Variants in DOCK3 observed in about 807,000 individuals in gnomAD.
The protein encoded by DOCK3 is dedicator of cytokinesis protein 3.
DOCK3 carries 60 observed loss-of-function variants against 265.6 expected under a neutral mutation model. That is an observed-to-expected ratio of 0.23 (90% CI 0.18 to 0.28). The LOEUF is 0.28. Among genes scored for constraint, DOCK3 ranks in the 10% least tolerant of loss-of-function variants. The pLI, the probability that DOCK3 is intolerant of heterozygous loss-of-function variation, is 1.00. For missense variants in DOCK3, 1,981 were observed against 2,594.3 expected (o/e 0.76, Z 5.14); for synonymous variants, 881 against 938.0 (o/e 0.94, Z 1.11).
At chr3:51,327,616 C>A (rs1301584067) in intron 32 of DOCK3, among the ~76,000 whole-genome samples, 1 of 151,286 alleles carries the variant, frequency 6.6e-6, no homozygotes, top group Non-Finnish European at 1.5e-5. Context: ...CTAATAACTT[C>A]TCCTTTATGA....
intron 9 of DOCK3, among the ~76,000 whole-genome samples, chr3:51,141,819 GAAGA>G (rs1227211001): frequency 6.6e-6 from 1 of 152,182 alleles, no homozygotes; most frequent in Non-Finnish European, 1.5e-5. Context: ...TATAAAGATT[GAAGA>G]TACTTTGGGA....
chr3:50,719,588 C>A, intron 1 of DOCK3: 2 of 1,464,628 alleles, frequency 1.4e-6, no homozygotes, highest in South Asian at 1.1e-5. Flanking sequence ...ATTCACCTTG[C>A]CAAAGACCAC....
At position 51,371,060 on chromosome 3, in the gene DOCK3, C is replaced by T. The variant is rs145732988; in HGVS notation, c.5294-3409C>T. Among the ~76,000 whole-genome samples the T allele has an allele frequency of 5.2e-3, 787 of 152,292 alleles. 5 individuals carry two copies. Among genetic ancestry groups the T allele is most frequent in the Admixed American group, 9.4e-3 (144 of 15,304 alleles). ...AGCCTCAAGGCTCGTTTTTACCCAG[C>T]CTTGGATGTCCCAGGAAGTCCCCAC... On this transcript the variant is annotated intron_variant, in intron 49 of 52. Transcript: ENST00000266037.
At chr3:51,352,317 G>C (rs1251683219) in intron 40 of DOCK3, among the ~76,000 whole-genome samples, 1 of 152,100 alleles carries the variant, frequency 6.6e-6, no homozygotes, top group Non-Finnish European at 1.5e-5. Flanking sequence ...GGATATTACA[G>C]AATCAGGCCC....
intron 26 of DOCK3, among the ~76,000 whole-genome samples, chr3:51,278,927 A>G (rs1308882178): frequency 1.3e-5 from 2 of 152,116 alleles, no homozygotes; most frequent in Non-Finnish European, 2.9e-5. Flanking sequence ...GAGGTTCATG[A>G]ACATATATAT....
intron 1 of DOCK3, among the ~76,000 whole-genome samples, chr3:50,729,166 C>T (rs1158765179): frequency 2.0e-5 from 3 of 147,812 alleles, no homozygotes; most frequent in African/African-American, 7.3e-5. Flanking sequence ...CAAAAAAATA[C>T]AAAAATTAGC....
chr3:50,920,054 A>G (rs2050353526), intron 4 of DOCK3, among the ~76,000 whole-genome samples: 1 of 152,196 alleles, frequency 6.6e-6, no homozygotes, highest in Non-Finnish European at 1.5e-5. Flanking sequence ...GATTATGTTT[A>G]TTGATTTGCA....
chr3:51,234,877 A>G (rs909102551), intron 19 of DOCK3, among the ~76,000 whole-genome samples: 3 of 152,228 alleles, frequency 2.0e-5, no homozygotes, highest in African/African-American at 7.2e-5. Flanking sequence ...TGGTGGTGAA[A>G]GCCCATCAGG....
rs531099370 is a variant in DOCK3 at position 50,960,357 on chromosome 3, C to T, written c.315+26280C>T. ...TCTATTTTTTCCACATCTCTGGCAA[C>T]TCTTATCATTGTCTCCCTTTTTAAA... On this transcript the variant is annotated intron_variant, in intron 5 of 52. Transcript: ENST00000266037. 7.2e-5 allele frequency among the ~76,000 whole-genome samples: 11 copies of T among 152,224 alleles called. No individual in the cohort carries two copies. The East Asian group carries it at 2.1e-3, about 29-fold the overall frequency.
intron 38 of DOCK3, among the ~76,000 whole-genome samples, chr3:51,342,747 A>T (rs1210920179): frequency 6.6e-6 from 1 of 152,210 alleles, no homozygotes; most frequent in Non-Finnish European, 1.5e-5. Flanking sequence ...TTAAATTTTA[A>T]CATGGACTAG....
chr3:51,346,111 C>T (rs767893125), intron 38 of DOCK3, among the ~76,000 whole-genome samples: 1 of 152,026 alleles, frequency 6.6e-6, no homozygotes, highest in East Asian at 1.9e-4. Context: ...ATCAAGTAAA[C>T]TAATGACCCT....
At chr3:51,063,533 T>G (rs977737383) in intron 5 of DOCK3, among the ~76,000 whole-genome samples, 1 of 152,202 alleles carries the variant, frequency 6.6e-6, no homozygotes, top group African/African-American at 2.4e-5. Context: ...GCAAACATCT[T>G]TTTTAGGGTA....
At position 50,947,371 on chromosome 3, in the gene DOCK3, G is replaced by A. The variant is rs2076455641; in HGVS notation, c.315+13294G>A. Among the ~76,000 whole-genome samples the A allele has an allele frequency of 2.0e-5, 3 of 151,944 alleles. No homozygotes were observed. The South Asian group carries it at 6.2e-4, about 32-fold the overall frequency. ...GTCAAATTATTTAGAGTGATTATAT[G>A]CCTTTTCTACTTGACTAGATTTTCA... On this transcript the variant is annotated intron_variant, in intron 5 of 52. Transcript: ENST00000266037.
At chr3:51,211,368 AT>A (rs757534844) in intron 13 of DOCK3, among the ~76,000 whole-genome samples, 7 of 151,246 alleles carry the variant, frequency 4.6e-5, no homozygotes, top group Non-Finnish European at 1.0e-4. Context: ...CTTTTTTTTA[AT>A]TTTTTTTTAT....
intron 19 of DOCK3, among the ~76,000 whole-genome samples, chr3:51,233,435 G>A (rs1469062999): frequency 2.0e-5 from 3 of 151,698 alleles, no homozygotes; most frequent in Non-Finnish European, 2.9e-5. Flanking sequence ...GCGTGATCTC[G>A]GCTCACTGCA....
intron 1 of DOCK3, among the ~76,000 whole-genome samples, chr3:50,700,231 A>G (rs1273954493): frequency 6.6e-6 from 1 of 152,218 alleles, no homozygotes; most frequent in Non-Finnish European, 1.5e-5. Context: ...ATGAGCGGAG[A>G]TCGCACCATT....
chr3:50,739,905 T>C (rs546268683), intron 1 of DOCK3, among the ~76,000 whole-genome samples: 6 of 152,158 alleles, frequency 3.9e-5, no homozygotes, highest in Non-Finnish European at 8.8e-5. Context: ...CTATTTAAAG[T>C]GTACATTGAT....
chr3:51,026,905 C>T (rs1224328651), intron 5 of DOCK3, among the ~76,000 whole-genome samples: 1 of 150,170 alleles, frequency 6.7e-6, no homozygotes, highest in African/African-American at 2.4e-5. Flanking sequence ...CTTTTTTTTT[C>T]AAAGAACCAA....
chr3:51,145,604 A>G (rs1288688624), intron 9 of DOCK3, among the ~76,000 whole-genome samples: 1 of 151,912 alleles, frequency 6.6e-6, no homozygotes, highest in Non-Finnish European at 1.5e-5. Flanking sequence ...TTTTATTTTT[A>G]TTTTTATTTT....
Sources: gnomAD v4.1 joint callset for allele counts (sites outside exome capture counted in the v4.1 genomes callset) on GRCh38, gnomAD v4.1.1 for gene constraint, MANE v1.5 for transcripts, NCBI Gene and HGNC (gene_info 2026-07-23, HGNC 2026-07-21) for gene names.